SUPT6H: variants seen among roughly 807,000 people sequenced by gnomAD.
SUPT6H encodes transcription elongation factor SPT6.
A neutral mutation model predicts 222.3 loss-of-function variants in SUPT6H; 11 were observed. The ratio of observed to expected loss-of-function variants is 0.05; its 90% CI spans 0.03 to 0.08. The LOEUF is 0.08. Ranked by LOEUF, SUPT6H falls within the 10% of genes least tolerant of loss-of-function variation. The probability of loss-of-function intolerance (pLI) is 1.00; values close to 1 mark genes in which losing one functional copy is unlikely to be tolerated. For synonymous variants in SUPT6H, 762 were observed against 801.2 expected (o/e 0.95, Z 0.83); for missense variants, 1,422 against 2,216.0 (o/e 0.64, Z 7.19).
chr17:28,701,264 T>G, intron 36 of SUPT6H, 136 bp downstream of exon 36: 3 of 1,418,456 alleles, frequency 2.1e-6, no homozygotes, highest in Non-Finnish European at 2.8e-6. Context: ...GAACACTAGT[T>G]TCTGGGTGAA....
At chr17:28,699,700 C>T (rs2032056211) in intron 32 of SUPT6H, 81 bp from the exon 33 acceptor site, 5 of 1,177,258 alleles carry the variant, frequency 4.2e-6, no homozygotes, top group Non-Finnish European at 6.4e-6. Flanking sequence ...ATGGCTACTT[C>T]ACATGGTGGG....
intron 11 of SUPT6H, among the ~76,000 whole-genome samples, chr17:28,680,132 C>T (rs1190501949): frequency 6.6e-6 from 1 of 151,068 alleles, no homozygotes; most frequent in Non-Finnish European, 1.5e-5. Context: ...TGGTGAAACC[C>T]CGTCTCTACT....
chr17:28,689,575 T>A lies in SUPT6H; in HGVS notation c.3342+14T>A. ...CTGGAGAGGCAGGTAAGGGACAGCATGGAAGGCCCGGCAGGAGAACCCATC... is the reference window on the plus strand; with the variant it reads ...CTGGAGAGGCAGGTAAGGGACAGCAAGGAAGGCCCGGCAGGAGAACCCATC... On this transcript the variant is annotated intron_variant, in intron 25 of 36. Transcript: ENST00000314616. 3.1e-6 allele frequency: 5 copies of A among 1,613,122 alleles called. No homozygotes were observed. The highest frequency in any genetic ancestry group is 4.2e-6 in the Non-Finnish European group (5 of 1,179,774).
chr17:28,676,361 G>A lies in SUPT6H; in HGVS notation c.828G>A (p.Glu276=), dbSNP rs765250104. The change falls in exon 7 of 37, where the codon GAG becomes GAA. Residue 276 remains glutamate (E), a synonymous_variant. Transcript: ENST00000314616. ...RSIFEMYEPS[E]LESSHLTDQD... is the part of the protein sequence containing the mutation. ...TCTTTGAAATGTATGAGCCCAGTGA[G>A]CTAGAAAGCAGCCACCTCACAGATC... 1.9e-6 allele frequency: 3 copies of A among 1,613,650 alleles called. No individual in the cohort carries two copies. The highest frequency in any genetic ancestry group is 2.2e-5 in the South Asian group (2 of 91,054).
intron 21 of SUPT6H, 120 bp downstream of exon 21, chr17:28,686,909 C>G: frequency 6.8e-7 from 1 of 1,477,348 alleles, no homozygotes; most frequent in South Asian, 1.4e-5. Flanking sequence ...CTTATCCATG[C>G]AGAAGTTCTC....
rs1376804131 is a variant in SUPT6H, at chr17:28,681,877, C to T, written c.1499-5C>T. ...ACCCTAAATCTCCCCATGTTTTCTTCCCAGGTGAAGGTGACGAGGCAGAAG... is the reference window on the plus strand; with the variant it reads ...ACCCTAAATCTCCCCATGTTTTCTTTCCAGGTGAAGGTGACGAGGCAGAAG... On this transcript the variant is annotated splice_region_variant and splice_polypyrimidine_tract_variant and intron_variant, in intron 12 of 36. Coordinates refer to ENST00000314616, the MANE Select transcript of SUPT6H (RefSeq NM_003170.5). 6.2e-7 allele frequency: 1 copy of T among 1,605,010 alleles called. No homozygotes were observed. Among genetic ancestry groups the T allele is most frequent in the African/African-American group, 1.3e-5 (1 of 74,802 alleles).
Position 28,681,426 on chromosome 17 carries a change from C to A in SUPT6H, c.1498+22C>A. 4 of 1,567,348 alleles carry A rather than the reference C, an allele frequency of 2.6e-6. 1 individual carries two copies. In the South Asian group the frequency reaches 3.6e-5, roughly 14 times the overall value. ...GAAGGTTAGTGCTGGAAAAGAAAAT[C>A]CAGGAGATTTGATGGCCATGCATGA... is the stretch of plus-strand genomic sequence containing the variant. On this transcript the variant is annotated intron_variant, in intron 12 of 36. Transcript: ENST00000314616.
chr17:28,662,571 A>G (rs1435943917), intron 1 of SUPT6H, among the ~76,000 whole-genome samples: 1 of 152,162 alleles, frequency 6.6e-6, no homozygotes, highest in Non-Finnish European at 1.5e-5. Flanking sequence ...ATCGGGTGGC[A>G]CGTTGAATCA....
In SUPT6H at chr17:28,701,087, C is replaced by T; in HGVS notation, c.4953C>T (p.Pro1651=). 1.2e-6 allele frequency: 2 copies of T among 1,613,392 alleles called. No individual in the cohort carries two copies. The highest frequency in any genetic ancestry group is 1.1e-5 in the South Asian group (1 of 91,040). Residue 1651 remains proline (P), a synonymous_variant, in exon 36 of 37, where the codon CCC becomes CCT. Transcript: ENST00000314616. The part of the protein sequence containing the change: ...STTPQSAQAQ[P]QPSSSSRQRQ... ...CCCCACAGTCGGCCCAGGCCCAGCCCCAGCCCTCTTCCAGCTCCCGGCAAC... is the reference window on the plus strand; with the variant it reads ...CCCCACAGTCGGCCCAGGCCCAGCCTCAGCCCTCTTCCAGCTCCCGGCAAC...
chr17:28,680,387 C>A (rs2031031458), intron 11 of SUPT6H, among the ~76,000 whole-genome samples: 1 of 151,950 alleles, frequency 6.6e-6, no homozygotes, highest in Admixed American at 6.6e-5. Flanking sequence ...CACCTGACGT[C>A]AGGAGTTTGA....
At chr17:28,668,370 T>C (rs2030215554) in intron 1 of SUPT6H, among the ~76,000 whole-genome samples, 1 of 152,210 alleles carries the variant, frequency 6.6e-6, no homozygotes, top group South Asian at 2.1e-4. Context: ...CGCTTGTCAG[T>C]CTCAGACTGC....
At chr17:28,684,161 C>T (rs1162753191) in intron 17 of SUPT6H, among the ~76,000 whole-genome samples, 8 of 151,924 alleles carry the variant, frequency 5.3e-5, no homozygotes, top group Non-Finnish European at 2.9e-5. Context: ...CACGCCCAGC[C>T]GAGACTCATG....
chr17:28,700,294 T>TA, intron 34 of SUPT6H, 44 bp downstream of exon 34: 1 of 1,614,172 alleles, frequency 6.2e-7, no homozygotes, highest in Non-Finnish European at 8.5e-7. Context: ...AGGATGGAGC[T>TA]AAAGGGACTT....
rs933561655 is a variant in SUPT6H, at chr17:28,692,982, CAG to C, written c.3634-711_3634-710del. 1.3e-4 allele frequency among the ~76,000 whole-genome samples: 17 copies of C among 133,460 alleles called. 1 individual carries two copies. The highest frequency in any genetic ancestry group is 4.9e-4 in the African/African-American group (17 of 34,892). The allele number at this position is 133,460 out of a possible 152,430, so 87.6% of individuals were successfully genotyped here. On this transcript the variant is annotated intron_variant, in intron 27 of 36. Coordinates refer to ENST00000314616, the MANE Select transcript of SUPT6H (RefSeq NM_003170.5). ...TGCCACTGCACTCCAGCCTGGGCAA[CAG>C]AGCAAGACTCTGTCTCAAAAAAAAA...
intron 22 of SUPT6H, 22 bp from the exon 23 acceptor site, chr17:28,687,282 C>T (rs1210174725): frequency 6.2e-7 from 1 of 1,614,028 alleles, no homozygotes; most frequent in African/African-American, 1.3e-5. Context: ...TAACCTTACT[C>T]CTGCCTGCTG....
chr17:28,697,958 C>G lies in SUPT6H; in HGVS notation c.4376C>G (p.Pro1459Arg). The change falls in exon 32 of 37, where the codon CCT (proline) becomes CGT (arginine). Residue 1459 changes from proline (P) to arginine (R), a missense_variant. Coordinates refer to ENST00000314616, the MANE Select transcript of SUPT6H (RefSeq NM_003170.5). ...KTKKEKPTFI[P>R]YFICACKELP... ...AAGAAGGAGAAGCCCACCTTCATCC[C>G]TTATTTCATCTGTGCCTGCAAGGAA... 6.2e-7 allele frequency: 1 copy of G among 1,614,026 alleles called. No homozygotes were observed. The highest frequency in any genetic ancestry group is 1.1e-5 in the South Asian group (1 of 91,090).
At position 28,684,700 on chromosome 17, in the gene SUPT6H, C is replaced by T. The variant is rs1475700477; in HGVS notation, c.2344C>T (p.Leu782Phe). 3 of 1,614,208 alleles carry T rather than the reference C, an allele frequency of 1.9e-6. No individual in the cohort carries two copies. Among genetic ancestry groups the T allele is most frequent in the Middle Eastern group, 1.6e-4 (1 of 6,062 alleles). The change falls in exon 18 of 37, where the codon CTC (leucine) becomes TTC (phenylalanine). Residue 782 changes from leucine to phenylalanine, a missense_variant. Transcript: ENST00000314616. ...GAACCAAGGGAAGGGCATTCGAGTC[C>T]TCGGCATTGCTTTCTCCTCTGCCAG... ...DENQGKGIRV[L>F]GIAFSSARDH...
intron 30 of SUPT6H, among the ~76,000 whole-genome samples, 184 bp downstream of exon 30, chr17:28,697,266 G>A (rs778181787): frequency 1.3e-5 from 2 of 152,168 alleles, no homozygotes; most frequent in Non-Finnish European, 2.9e-5. Flanking sequence ...CCCTCCTTCC[G>A]TGTCCTCCAA....
In SUPT6H at chr17:28,678,184, C is replaced by T; in HGVS notation, c.1108C>T (p.His370Tyr). 1.2e-6 allele frequency: 2 copies of T among 1,608,686 alleles called. No homozygotes were observed. The highest frequency in any genetic ancestry group is 1.7e-6 in the Non-Finnish European group (2 of 1,178,648). Reference sequence around the variant, plus strand: ...GGCCCTGGGCTTCATGCGAAATCAGCATTTTGAGGTAACACCTCAAGCTCT... The same window carrying T: ...GGCCCTGGGCTTCATGCGAAATCAGTATTTTGAGGTAACACCTCAAGCTCT... ...KEALGFMRNQHFEVPFIAFYR... is the reference protein window; with the variant it reads ...KEALGFMRNQYFEVPFIAFYR... Residue 370 changes from histidine to tyrosine, a missense_variant, in exon 9 of 37, where the codon CAT (histidine) becomes TAT (tyrosine). Transcript: ENST00000314616.
Sources: allele counts gnomAD v4.1 joint callset (sites outside exome capture counted in the v4.1 genomes callset), GRCh38; gene constraint gnomAD v4.1.1; transcripts MANE v1.5; gene names NCBI Gene and HGNC (gene_info 2026-07-23, HGNC 2026-07-21).